The following KLF7 variants were observed in gnomAD, a reference collection of about 807,000 sequenced individuals.
KLF7 encodes the protein KLF transcription factor 7, also known as Krueppel-like factor 7.
A neutral mutation model predicts 27.3 loss-of-function variants in KLF7; 2 were observed. That is an observed-to-expected ratio of 0.07 (90% CI 0.03 to 0.23). The LOEUF (loss-of-function observed/expected upper bound fraction) is 0.23. Ranked by LOEUF, KLF7 falls within the 10% of genes least tolerant of loss-of-function variation. The pLI, the probability that KLF7 is intolerant of heterozygous loss-of-function variation, is 1.00. For synonymous variants in KLF7, 165 were observed against 162.4 expected, an observed-to-expected ratio of 1.02 and a Z score of -0.12; for missense variants, 221 against 394.1, an observed-to-expected ratio of 0.56 and a Z score of 3.72.
rs201782742 is a variant in KLF7, at chr2:207,081,158, T to G, written c.*55A>C. The stretch of plus-strand genomic sequence containing the variant: ...GCCTGAAGTCCAGCCCCCTGCCTCA[T>G]GGCGTTTCCTTTAGACACTAGCCGA... On this transcript the variant is annotated 3_prime_UTR_variant, in exon 4 of 4. Transcript: ENST00000309446. 1 of 1,530,352 alleles carries G rather than the reference T, an allele frequency of 6.5e-7. No homozygotes were observed. Among genetic ancestry groups the G allele is most frequent in the Admixed American group, 1.7e-5 (1 of 59,866 alleles). The allele number at this position is 1,530,352 out of a possible 1,614,324, so 94.8% of individuals were successfully genotyped here.
chr2:207,077,574 T>C lies in KLF7; in HGVS notation c.*3639A>G, dbSNP rs888993002. The C allele has an allele frequency of 1.3e-5, 2 of 152,174 alleles. No homozygotes were observed. Among genetic ancestry groups the C allele is most frequent in the Non-Finnish European group, 2.9e-5 (2 of 68,042 alleles). 9.4% of individuals were successfully genotyped at this position (152,174 alleles called of 1,614,324 possible). A position where few individuals can be genotyped will look rare whatever the true frequency, so the allele number is the denominator to read the frequency against. ...GGAAATGGTCAGCATGAAGTTCATT[T>C]TGGGGTCTCCAATATTTTTACAAAA... is the stretch of plus-strand genomic sequence containing the variant. On this transcript the variant is annotated 3_prime_UTR_variant, in exon 4 of 4. Transcript: ENST00000309446.
In KLF7 at chr2:207,110,553, T is replaced by C. The variant is rs1181909474; in HGVS notation, c.733+13221A>G. On this transcript the variant is annotated intron_variant, in intron 2 of 3. Transcript: ENST00000309446. ...TCCCACGTACCAGCCTGGCAGCTGATGTGATCAGACCTCTGCCTCAGCAAA... is the reference window on the plus strand; with the variant it reads ...TCCCACGTACCAGCCTGGCAGCTGACGTGATCAGACCTCTGCCTCAGCAAA... Among the ~76,000 whole-genome samples, 5 of 152,194 alleles carry C rather than the reference T, an allele frequency of 3.3e-5. No homozygotes were observed. The East Asian group carries it at 9.6e-4, about 29-fold the overall frequency.
chr2:207,090,739 T>C (rs545611548), intron 2 of KLF7, among the ~76,000 whole-genome samples: 9 of 152,050 alleles, frequency 5.9e-5, no homozygotes, highest in African/African-American at 2.2e-4. Flanking sequence ...AAACAGGGAG[T>C]GTTCTTTAGG....
At chr2:207,132,029 T>G (rs1179050204) in intron 1 of KLF7, among the ~76,000 whole-genome samples, 1 of 152,216 alleles carries the variant, frequency 6.6e-6, no homozygotes, top group African/African-American at 2.4e-5. Flanking sequence ...TAGAGAGTGA[T>G]TCCTAACAAG....
At chr2:207,166,109 C>G, upstream of KLF7, 1 of 980,578 alleles carries the variant, frequency 1.0e-6, no homozygotes, top group Non-Finnish European at 1.2e-6. Flanking sequence ...GCTCTTCCCC[C>G]TCCCCAAACT....
At chr2:207,160,775 GC>G (rs1226612435) in intron 1 of KLF7, among the ~76,000 whole-genome samples, 4 of 152,172 alleles carry the variant, frequency 2.6e-5, no homozygotes, top group African/African-American at 9.7e-5. Context: ...AGGCAAATTA[GC>G]CCCCACTGGC....
intron 1 of KLF7, among the ~76,000 whole-genome samples, chr2:207,155,471 A>T (rs190160547): frequency 1.3e-5 from 2 of 152,356 alleles, no homozygotes; most frequent in Admixed American, 6.5e-5. Flanking sequence ...AGTTAAAGAA[A>T]GAATGTGCCA....
At chr2:207,134,297 G>C (rs2284933) in intron 1 of KLF7, among the ~76,000 whole-genome samples, 77,426 of 150,994 alleles carry the variant, frequency 0.51, 21,459 homozygotes, top group East Asian at 0.62. Context: ...ATTACTTCTT[G>C]TACTCCAAAG....
At chr2:207,154,136 T>C (rs1276131185) in intron 1 of KLF7, among the ~76,000 whole-genome samples, 1 of 152,148 alleles carries the variant, frequency 6.6e-6, no homozygotes, top group African/African-American at 2.4e-5. Context: ...TTATGTCTTA[T>C]TTGAAGGGGG....
At chr2:207,166,843 A>C (rs1574613155), upstream of KLF7, 1 of 1,039,142 alleles carries the variant, frequency 9.6e-7, no homozygotes, top group South Asian at 4.5e-5. Flanking sequence ...CCTGAGGAGG[A>C]AGTGCCACAC....
At chr2:207,115,096 T>C (rs959049738) in intron 2 of KLF7, among the ~76,000 whole-genome samples, 2 of 152,150 alleles carry the variant, frequency 1.3e-5, no homozygotes, top group African/African-American at 4.8e-5. Flanking sequence ...TGTAAATGTA[T>C]TTTATTTTGC....
chr2:207,151,022 AAAGG>A (rs1327973651), intron 1 of KLF7, among the ~76,000 whole-genome samples: 16 of 138,766 alleles, frequency 1.2e-4, no homozygotes, highest in African/African-American at 3.6e-4. Flanking sequence ...AAAAAGGAAG[AAAGG>A]AAGGGAGGGA....
chr2:207,164,323 TCCC>T (rs1040021309), intron 1 of KLF7, among the ~76,000 whole-genome samples: 12 of 151,972 alleles, frequency 7.9e-5, no homozygotes, highest in African/African-American at 2.9e-4. Flanking sequence ...CTCACAGCCC[TCCC>T]CCCAAGGGCA....
At chr2:207,172,873 A>G in the KLF7 span, among the ~76,000 whole-genome samples, 7 of 152,212 alleles carry the variant, frequency 4.6e-5, no homozygotes, top group Non-Finnish European at 1.5e-5. Flanking sequence ...AATTGAATAT[A>G]TTGCATTGTA....
chr2:207,095,295 G>C (rs1054334278), intron 2 of KLF7, among the ~76,000 whole-genome samples: 1 of 151,956 alleles, frequency 6.6e-6, no homozygotes, highest in Admixed American at 6.6e-5. Context: ...TGATCCGCCC[G>C]CCTCGGCCTC....
At chr2:207,103,014 C>G (rs550044640) in intron 2 of KLF7, among the ~76,000 whole-genome samples, 1 of 152,224 alleles carries the variant, frequency 6.6e-6, no homozygotes, top group East Asian at 1.9e-4. Flanking sequence ...CCGCAACCTC[C>G]CCTCCCTGGT....
chr2:207,173,663 A>T, the KLF7 span: 1 of 152,176 alleles, frequency 6.6e-6, no homozygotes, highest in African/African-American at 2.4e-5. Flanking sequence ...TGAATGTTAC[A>T]TCTTACATTG....
chr2:207,163,220 T>C (rs1289350547), intron 1 of KLF7, among the ~76,000 whole-genome samples: 1 of 152,228 alleles, frequency 6.6e-6, no homozygotes, highest in African/African-American at 2.4e-5. Context: ...TGTTTATTAG[T>C]GCTTCCCCAC....
chr2:207,103,625 A>G (rs1273277577), intron 2 of KLF7, among the ~76,000 whole-genome samples: 1 of 152,218 alleles, frequency 6.6e-6, no homozygotes, highest in Non-Finnish European at 1.5e-5. Flanking sequence ...AGTACAGTTT[A>G]CGGGAAAACA....
Sources: allele counts gnomAD v4.1 joint callset (sites outside exome capture counted in the v4.1 genomes callset), GRCh38; gene constraint gnomAD v4.1.1; transcripts MANE v1.5; gene names NCBI Gene and HGNC (gene_info 2026-07-23, HGNC 2026-07-21).